RAB31: variants seen among roughly 807,000 people sequenced by gnomAD.
The protein encoded by RAB31 is ras-related protein Rab-31.
A neutral mutation model predicts 25.6 loss-of-function variants in RAB31; 21 were observed. That is an observed-to-expected ratio of 0.82 (90% CI 0.58 to 1.18). RAB31 has a LOEUF of 1.18. Ranked by LOEUF, RAB31 falls within the 50% of genes most tolerant of loss-of-function variation. RAB31 has a pLI of 0.00. For missense variants in RAB31, 196 were observed against 250.1 expected (o/e 0.78, Z 1.46); for synonymous variants, 87 against 84.0 (o/e 1.04, Z -0.20).
At chr18:9,826,206 C>CCT (rs1555690962) in intron 5 of RAB31, among the ~76,000 whole-genome samples, 1 of 151,590 alleles carries the variant, frequency 6.6e-6, no homozygotes, top group Non-Finnish European at 1.5e-5. Context: ...ATGAAACCCC[C>CCT]CTCTACTAAA....
intron 1 of RAB31, among the ~76,000 whole-genome samples, chr18:9,738,313 A>C (rs1037216807): frequency 3.3e-5 from 5 of 152,132 alleles, no homozygotes; most frequent in African/African-American, 1.2e-4. Flanking sequence ...GGCAGCCCCC[A>C]GGTAGCTTTA....
chr18:9,801,658 G>A (rs1247246018), intron 3 of RAB31, among the ~76,000 whole-genome samples: 3 of 152,168 alleles, frequency 2.0e-5, no homozygotes, highest in Non-Finnish European at 2.9e-5. Flanking sequence ...TCTATGACTA[G>A]CATTTAGAGG....
chr18:9,781,372 A>G (rs1430070059), intron 2 of RAB31, among the ~76,000 whole-genome samples: 3 of 152,088 alleles, frequency 2.0e-5, no homozygotes, highest in South Asian at 2.1e-4. Flanking sequence ...GCTGGAGCAC[A>G]GTGACGCGAT....
intron 5 of RAB31, among the ~76,000 whole-genome samples, chr18:9,823,495 G>A (rs1401319569): frequency 6.6e-6 from 1 of 152,172 alleles, no homozygotes; most frequent in Non-Finnish European, 1.5e-5. Context: ...AGTTTTTCAA[G>A]ATGTGACCAT....
At chr18:9,753,542 ACT>A in intron 1 of RAB31, among the ~76,000 whole-genome samples, 1 of 152,170 alleles carries the variant, frequency 6.6e-6, no homozygotes, top group Non-Finnish European at 1.5e-5. Flanking sequence ...TTTATAAATT[ACT>A]CAGTTTCAGG....
chr18:9,810,969 T>A (rs1392720888), intron 3 of RAB31, among the ~76,000 whole-genome samples: 2 of 152,238 alleles, frequency 1.3e-5, no homozygotes, highest in Non-Finnish European at 2.9e-5. Context: ...TTTTCCTTCC[T>A]TTGGGCAGGA....
intron 1 of RAB31, among the ~76,000 whole-genome samples, chr18:9,753,751 G>A (rs1443839423): frequency 7.2e-5 from 11 of 152,176 alleles, no homozygotes; most frequent in African/African-American, 9.7e-5. Flanking sequence ...CAAGTAGCGC[G>A]ACTGTGAATT....
At chr18:9,721,654 C>A (rs1266627129) in intron 1 of RAB31, among the ~76,000 whole-genome samples, 2 of 151,626 alleles carry the variant, frequency 1.3e-5, no homozygotes, top group Non-Finnish European at 2.9e-5. Context: ...CATGTGAAGA[C>A]CATGTGATTC....
At chr18:9,847,198 A>G (rs1036028183) in intron 6 of RAB31, among the ~76,000 whole-genome samples, 2 of 152,188 alleles carry the variant, frequency 1.3e-5, no homozygotes, top group African/African-American at 4.8e-5. Context: ...CCTCAGATTA[A>G]ACTCATTCTC....
intron 6 of RAB31, among the ~76,000 whole-genome samples, chr18:9,855,798 A>G (rs775459075): frequency 2.0e-5 from 3 of 152,072 alleles, no homozygotes; most frequent in Admixed American, 6.5e-5. Flanking sequence ...TGTAGATGAG[A>G]TGGGTCCCGG....
At chr18:9,824,872 C>T (rs2068642437) in intron 5 of RAB31, among the ~76,000 whole-genome samples, 1 of 152,140 alleles carries the variant, frequency 6.6e-6, no homozygotes, top group Non-Finnish European at 1.5e-5. Flanking sequence ...ATGTATGGTC[C>T]CTCTGAATTT....
At chr18:9,723,700 A>C (rs2068083339) in intron 1 of RAB31, 2 of 152,250 alleles carry the variant, frequency 1.3e-5, no homozygotes, top group Admixed American at 6.5e-5. Context: ...GGGTGTGTGC[A>C]AAGAGATCAC....
At chr18:9,728,672 G>A (rs2068106894) in intron 1 of RAB31, among the ~76,000 whole-genome samples, 1 of 152,092 alleles carries the variant, frequency 6.6e-6, no homozygotes, top group Admixed American at 6.5e-5. Flanking sequence ...CGAGTAGCTG[G>A]GATTACAGGT....
intron 3 of RAB31, among the ~76,000 whole-genome samples, chr18:9,807,020 C>G (rs146935615): frequency 4.9e-4 from 74 of 152,304 alleles, no homozygotes; most frequent in African/African-American, 1.6e-3. Flanking sequence ...CACTGGATAT[C>G]TGAAGGCTCT....
At chr18:9,809,891 C>T (rs1469788464) in intron 3 of RAB31, among the ~76,000 whole-genome samples, 1 of 152,180 alleles carries the variant, frequency 6.6e-6, no homozygotes, top group Non-Finnish European at 1.5e-5. Context: ...AGGTCATGCT[C>T]GTTTATTTTC....
intron 1 of RAB31, among the ~76,000 whole-genome samples, chr18:9,709,884 C>G (rs1216921739): frequency 6.6e-6 from 1 of 152,204 alleles, no homozygotes; most frequent in South Asian, 2.1e-4. Context: ...TCTTGAGGGG[C>G]CATTTCAGCC....
At chr18:9,709,701 T>TA (rs1162318055) in intron 1 of RAB31, among the ~76,000 whole-genome samples, 1 of 152,220 alleles carries the variant, frequency 6.6e-6, no homozygotes, top group Non-Finnish European at 1.5e-5. Context: ...CCCTCCCTGC[T>TA]AGCCCCTGGC....
chr18:9,784,175 T>A (rs2068420008), intron 2 of RAB31, among the ~76,000 whole-genome samples: 1 of 151,428 alleles, frequency 6.6e-6, no homozygotes. Flanking sequence ...TAGCTGGGAC[T>A]ACATGCAAAA....
chr18:9,714,474 T>A (rs1469062344), intron 1 of RAB31, among the ~76,000 whole-genome samples: 3 of 152,234 alleles, frequency 2.0e-5, no homozygotes, highest in Non-Finnish European at 4.4e-5. Context: ...CTGTGCAACC[T>A]GGTTCCTAAC....
Sources: gnomAD v4.1 joint callset for allele counts (sites outside exome capture counted in the v4.1 genomes callset) on GRCh38, gnomAD v4.1.1 for gene constraint, MANE v1.5 for transcripts, NCBI Gene and HGNC (gene_info 2026-07-23, HGNC 2026-07-21) for gene names.